GPM6A: variants seen among roughly 807,000 people sequenced by gnomAD.
GPM6A encodes the protein glycoprotein M6A.
In GPM6A, 7 loss-of-function variants were observed where a neutral mutation model predicts 32.1. That is an observed-to-expected ratio of 0.22 (90% confidence interval 0.12 to 0.41). The LOEUF (loss-of-function observed/expected upper bound fraction) is 0.41. Ranked by LOEUF, GPM6A falls within the 10% of genes least tolerant of loss-of-function variation. GPM6A has a pLI of 1.00. For synonymous variants in GPM6A, 130 were observed against 123.4 expected, an observed-to-expected ratio of 1.05 and a Z score of -0.35; for missense variants, 235 against 347.2, an observed-to-expected ratio of 0.68 and a Z score of 2.57.
chr4:175,923,468 T>C lies in GPM6A; in HGVS notation c.-23+78841A>G, dbSNP rs1216685452. On this transcript the variant is annotated intron_variant, in intron 1 of 7. Transcript: ENST00000280187. Reference sequence around the variant, plus strand: ...ATGAAGTGTGAGCAGAAGTCGGTGATGGAGGGGAAGGTTCCAAGCCTCCAA... The same window carrying C: ...ATGAAGTGTGAGCAGAAGTCGGTGACGGAGGGGAAGGTTCCAAGCCTCCAA... 7.9e-5 allele frequency among the ~76,000 whole-genome samples: 12 copies of C among 151,116 alleles called. 1 individual carries two copies. The highest frequency in any genetic ancestry group is 2.7e-4 in the African/African-American group (11 of 41,136).
intron 1 of GPM6A, among the ~76,000 whole-genome samples, chr4:175,884,785 A>C (rs992090421): frequency 1.3e-5 from 2 of 151,988 alleles, no homozygotes; most frequent in South Asian, 4.1e-4. Flanking sequence ...CTGCCTGCCT[A>C]GGCTTCCCAA....
At chr4:175,983,597 A>G (rs1271861537) in intron 1 of GPM6A, among the ~76,000 whole-genome samples, 1 of 152,184 alleles carries the variant, frequency 6.6e-6, no homozygotes, top group Non-Finnish European at 1.5e-5. Context: ...TAAATTTCAA[A>G]TGTTAAACCA....
intron 1 of GPM6A, among the ~76,000 whole-genome samples, chr4:175,976,284 T>C (rs1740657704): frequency 1.3e-5 from 2 of 150,374 alleles, no homozygotes; most frequent in Non-Finnish European, 3.0e-5. Flanking sequence ...TGTCTCAGCC[T>C]CCCAAGTAGC....
intron 1 of GPM6A, among the ~76,000 whole-genome samples, chr4:175,913,603 G>A (rs1368451068): frequency 3.3e-5 from 5 of 151,968 alleles, no homozygotes; most frequent in Non-Finnish European, 7.4e-5. Context: ...TATTCAATCC[G>A]GCCACATCAG....
At chr4:175,728,082 T>C (rs1208484774) in intron 1 of GPM6A, among the ~76,000 whole-genome samples, 1 of 151,616 alleles carries the variant, frequency 6.6e-6, no homozygotes, top group Non-Finnish European at 1.5e-5. Flanking sequence ...ACTTCTTACA[T>C]ACTTCTGGTA....
intron 1 of GPM6A, among the ~76,000 whole-genome samples, chr4:175,960,988 G>C (rs1218237347): frequency 6.6e-6 from 1 of 152,198 alleles, no homozygotes; most frequent in Non-Finnish European, 1.5e-5. Flanking sequence ...AGGACATACT[G>C]TTTAATGCAC....
chr4:175,862,494 C>T (rs933213309), intron 1 of GPM6A, among the ~76,000 whole-genome samples: 2 of 152,210 alleles, frequency 1.3e-5, no homozygotes, highest in Non-Finnish European at 2.9e-5. Flanking sequence ...GCAGTGTTCT[C>T]ATTGTGTTAA....
chr4:175,643,599 G>A (rs1248006333), intron 4 of GPM6A, among the ~76,000 whole-genome samples: 1 of 152,024 alleles, frequency 6.6e-6, no homozygotes, highest in Non-Finnish European at 1.5e-5. Flanking sequence ...GTTACAGTAG[G>A]TAGTCAGACA....
Position 175,751,466 on chromosome 4 carries a change from T to G in GPM6A, c.38-49699A>C, listed in dbSNP as rs78623047. Reference sequence around the variant, plus strand: ...CTTATGATAATTTAACTGTATAAACTAACCATATATTACTGTAATATTGAA... The same window carrying G: ...CTTATGATAATTTAACTGTATAAACGAACCATATATTACTGTAATATTGAA... On this transcript the variant is annotated intron_variant, in intron 1 of 6. Transcript: ENST00000393658. 2.0e-5 allele frequency among the ~76,000 whole-genome samples: 3 copies of G among 152,294 alleles called. No individual in the cohort carries two copies. In the East Asian group the frequency reaches 5.8e-4, roughly 29 times the overall value.
intron 1 of GPM6A, among the ~76,000 whole-genome samples, chr4:175,978,215 A>G (rs1246657753): frequency 6.6e-6 from 1 of 152,178 alleles, no homozygotes; most frequent in East Asian, 1.9e-4. Context: ...CAATCATGGC[A>G]GAAGGTGAAA....
intron 2 of GPM6A, among the ~76,000 whole-genome samples, chr4:175,678,790 C>A (rs1048214254): frequency 2.0e-5 from 3 of 152,086 alleles, no homozygotes; most frequent in Non-Finnish European, 2.9e-5. Flanking sequence ...CTATACAATT[C>A]TTTTGGTGAA....
chr4:175,843,871 A>G (rs1343972275), intron 1 of GPM6A, among the ~76,000 whole-genome samples: 1 of 152,120 alleles, frequency 6.6e-6, no homozygotes, highest in Non-Finnish European at 1.5e-5. Context: ...CCTCCCTTTG[A>G]GGATGCCTCA....
At chr4:175,739,520 G>C (rs1291823759) in intron 1 of GPM6A, among the ~76,000 whole-genome samples, 1 of 152,058 alleles carries the variant, frequency 6.6e-6, no homozygotes, top group Non-Finnish European at 1.5e-5. Context: ...CAAAAATTAA[G>C]TGTTGTTGAA....
intron 3 of GPM6A, among the ~76,000 whole-genome samples, chr4:175,659,086 C>CT (rs563940419): frequency 0.066 from 9,517 of 143,640 alleles, 339 homozygotes; most frequent in Middle Eastern, 0.1. Flanking sequence ...TTTTGTTTTC[C>CT]TTTTTTTTTT....
chr4:175,651,723 T>C, intron 4 of GPM6A, 111 bp downstream of exon 4: 1 of 775,268 alleles, frequency 1.3e-6, no homozygotes, highest in South Asian at 1.8e-5. Context: ...ATCTCTGTGG[T>C]AGAAAAGGTA....
At chr4:175,959,806 T>G (rs1221646922) in intron 1 of GPM6A, among the ~76,000 whole-genome samples, 1 of 152,180 alleles carries the variant, frequency 6.6e-6, no homozygotes, top group Admixed American at 6.5e-5. Context: ...CAGGATGGTT[T>G]TACAAAGGGT....
intron 1 of GPM6A, among the ~76,000 whole-genome samples, chr4:175,859,394 G>T (rs1736507948): frequency 6.6e-6 from 1 of 152,122 alleles, no homozygotes; most frequent in Non-Finnish European, 1.5e-5. Context: ...AAGCGACAAA[G>T]AACAAAAGGT....
At chr4:175,829,769 T>G (rs999799110) in intron 1 of GPM6A, among the ~76,000 whole-genome samples, 1 of 149,176 alleles carries the variant, frequency 6.7e-6, no homozygotes, top group Admixed American at 6.7e-5. Flanking sequence ...TCTTACTCAT[T>G]TTTCTTGGAG....
At chr4:175,638,924 G>A (rs907902078) in intron 6 of GPM6A, among the ~76,000 whole-genome samples, 1 of 152,072 alleles carries the variant, frequency 6.6e-6, no homozygotes, top group Non-Finnish European at 1.5e-5. Flanking sequence ...GCATAGTTTA[G>A]CATTAATTTT....
Sources: gnomAD v4.1 joint callset for allele counts (sites outside exome capture counted in the v4.1 genomes callset) on GRCh38, gnomAD v4.1.1 for gene constraint, MANE v1.5 for transcripts, NCBI Gene and HGNC (gene_info 2026-07-23, HGNC 2026-07-21) for gene names.